The following SCLT1 variants were observed in gnomAD, a reference collection of about 807,000 sequenced individuals.
SCLT1 encodes sodium channel and clathrin linker 1, also known as sodium channel-associated protein 1.
SCLT1 carries 78 observed loss-of-function variants against 112.8 expected under a neutral mutation model. That is an observed-to-expected ratio of 0.69 (90% confidence interval 0.58 to 0.83). SCLT1 has a LOEUF of 0.83. Among genes scored for constraint, SCLT1 ranks in the 40% least tolerant of loss-of-function variants. The pLI, the probability that SCLT1 is intolerant of heterozygous loss-of-function variation, is 0.00. For missense variants in SCLT1, 747 were observed against 770.4 expected, an observed-to-expected ratio of 0.97 and a Z score of 0.36; for synonymous variants, 257 against 254.7, an observed-to-expected ratio of 1.01 and a Z score of -0.09.
chr4:128,929,785 T>C (rs561085407), intron 18 of SCLT1, among the ~76,000 whole-genome samples: 1 of 152,338 alleles, frequency 6.6e-6, no homozygotes, highest in African/African-American at 2.4e-5. Flanking sequence ...GATGAATGGC[T>C]ACAACATGGG....
intron 18 of SCLT1, among the ~76,000 whole-genome samples, chr4:128,895,012 T>C (rs1733629339): frequency 6.6e-6 from 1 of 152,224 alleles, no homozygotes; most frequent in Non-Finnish European, 1.5e-5. Flanking sequence ...TCATTTACCC[T>C]GAAAGAGACT....
At chr4:129,088,986 A>C (rs1026732367) in intron 1 of SCLT1, among the ~76,000 whole-genome samples, 2 of 152,236 alleles carry the variant, frequency 1.3e-5, no homozygotes, top group African/African-American at 4.8e-5. Flanking sequence ...TGGCAAAAAA[A>C]GCCAAAACTG....
rs150101551 is a variant in SCLT1 at position 128,967,980 on chromosome 4, C to T, written c.777+2398G>A. Among the ~76,000 whole-genome samples the T allele has an allele frequency of 1.6e-3, 247 of 152,212 alleles. 2 individuals carry two copies. The highest frequency in any genetic ancestry group is 0.014 in the East Asian group (71 of 5,178). On this transcript the variant is annotated intron_variant, in intron 10 of 20. Coordinates refer to ENST00000281142, the MANE Select transcript of SCLT1 (RefSeq NM_144643.4). Reference sequence around the variant, plus strand: ...TCTTGATGAGAACTTAGCCATTAATCTTATCATTGCCTCTCTGTTCAGGTC... The same window carrying T: ...TCTTGATGAGAACTTAGCCATTAATTTTATCATTGCCTCTCTGTTCAGGTC...
chr4:129,049,073 G>C (rs940778038), intron 2 of SCLT1, among the ~76,000 whole-genome samples: 15 of 151,814 alleles, frequency 9.9e-5, no homozygotes, highest in African/African-American at 1.5e-4. Flanking sequence ...TCAGTGTGGC[G>C]ATTCCTCAGG....
chr4:129,074,700 A>G (rs900861097), intron 2 of SCLT1, among the ~76,000 whole-genome samples: 1 of 152,120 alleles, frequency 6.6e-6, no homozygotes, highest in African/African-American at 2.4e-5. Context: ...ATTAATTTCT[A>G]TTTATCTTTT....
At chr4:128,913,582 C>T (rs1428416957) in intron 18 of SCLT1, among the ~76,000 whole-genome samples, 1 of 152,004 alleles carries the variant, frequency 6.6e-6, no homozygotes, top group Non-Finnish European at 1.5e-5. Context: ...GTGTTTTTTC[C>T]AGCCACCTTG....
In SCLT1 at chr4:128,965,272, C is replaced by T. The variant is rs1191573115; in HGVS notation, c.824G>A (p.Arg275Lys). 1 of 1,610,332 alleles carries T rather than the reference C, an allele frequency of 6.2e-7. No homozygotes were observed. The highest frequency in any genetic ancestry group is 1.7e-5 in the Admixed American group (1 of 59,934). Residue 275 changes from arginine to lysine, a missense_variant, in exon 11 of 21, where the codon AGG becomes AAG. By Grantham distance (26) the Arg-to-Lys change is conservative. Transcript: ENST00000281142. Reference protein sequence around the residue: ...SAHGREEASDRRLQQLQSSIK... With the variant: ...SAHGREEASDKRLQQLQSSIK... ...ACTAGACTGTAACTGCTGTAAACGC[C>T]TATCTGATGCTTCCTCTCTTCCATG...
chr4:128,884,998 A>G (rs1036686466), intron 20 of SCLT1, among the ~76,000 whole-genome samples: 11 of 152,170 alleles, frequency 7.2e-5, no homozygotes, highest in African/African-American at 2.4e-4. Flanking sequence ...TAAAATGTCT[A>G]TTAATTTAGA....
intron 20 of SCLT1, 106 bp from the exon 21 acceptor site, chr4:128,884,645 A>G: frequency 1.4e-6 from 1 of 717,592 alleles, no homozygotes; most frequent in South Asian, 1.7e-5. Flanking sequence ...AAATGGTCTT[A>G]TTGGAAAGGG....
intron 3 of SCLT1, among the ~76,000 whole-genome samples, chr4:128,877,432 A>G (rs1732547139): frequency 6.6e-6 from 1 of 152,200 alleles, no homozygotes; most frequent in African/African-American, 2.4e-5. Context: ...CTGTAATCCC[A>G]GCACTTTGGG....
At chr4:129,045,011 A>G (rs1748056900) in intron 2 of SCLT1, among the ~76,000 whole-genome samples, 1 of 151,970 alleles carries the variant, frequency 6.6e-6, no homozygotes, top group Non-Finnish European at 1.5e-5. Context: ...AAAGAAGAAG[A>G]ATTATAATTG....
At chr4:129,009,433 G>C (rs1744323373) in intron 5 of SCLT1, among the ~76,000 whole-genome samples, 2 of 151,580 alleles carry the variant, frequency 1.3e-5, no homozygotes, top group Admixed American at 6.6e-5. Flanking sequence ...AGAATGGTGT[G>C]AACCCAGGAG....
chr4:129,002,666 A>G (rs1313562558), intron 6 of SCLT1, among the ~76,000 whole-genome samples: 1 of 152,210 alleles, frequency 6.6e-6, no homozygotes, highest in African/African-American at 2.4e-5. Flanking sequence ...TTATGCAGGC[A>G]ACAAACATAT....
intron 8 of SCLT1, among the ~76,000 whole-genome samples, chr4:128,992,644 A>G (rs1742674107): frequency 6.6e-6 from 1 of 151,966 alleles, no homozygotes; most frequent in South Asian, 2.1e-4. Flanking sequence ...TGTGTTCTAC[A>G]CTGTCTTTCA....
intron 5 of SCLT1, among the ~76,000 whole-genome samples, chr4:129,006,577 G>A (rs945159507): frequency 4.6e-5 from 7 of 151,086 alleles, no homozygotes; most frequent in African/African-American, 1.7e-4. Context: ...CAGAAATATC[G>A]TAATTGTCCC....
chr4:128,975,986 A>G (rs1466989186), intron 9 of SCLT1, among the ~76,000 whole-genome samples: 2 of 152,204 alleles, frequency 1.3e-5, no homozygotes, highest in East Asian at 3.8e-4. Context: ...ACTTTCCAAA[A>G]CAGTGGCTCT....
At chr4:128,876,722 T>C (rs1732530918) in intron 3 of SCLT1, 1 of 152,224 alleles carries the variant, frequency 6.6e-6, no homozygotes, top group Non-Finnish European at 1.5e-5. Context: ...TTACTCAGTT[T>C]GGTATTTCTG....
chr4:128,917,533 T>C (rs752826469), intron 18 of SCLT1, among the ~76,000 whole-genome samples: 2 of 152,126 alleles, frequency 1.3e-5, no homozygotes, highest in Non-Finnish European at 2.9e-5. Context: ...GTAAACTCTG[T>C]ATGGGACAAT....
At chr4:129,028,274 C>G (rs1273124725) in intron 5 of SCLT1, among the ~76,000 whole-genome samples, 2 of 152,158 alleles carry the variant, frequency 1.3e-5, no homozygotes, top group Non-Finnish European at 2.9e-5. Flanking sequence ...TGACTTCAAA[C>G]TATACTGCAA....
Sources: allele counts gnomAD v4.1 joint callset (sites outside exome capture counted in the v4.1 genomes callset), GRCh38; gene constraint gnomAD v4.1.1; transcripts MANE v1.5; gene names NCBI Gene and HGNC (gene_info 2026-07-23, HGNC 2026-07-21).